SGSM3: variants seen among roughly 807,000 people sequenced by gnomAD.
The protein encoded by SGSM3 is RUN and SH3 containing 3.
SGSM3 carries 96 observed loss-of-function variants against 100.5 expected under a neutral mutation model. The ratio of observed to expected loss-of-function variants is 0.96; its 90% CI spans 0.81 to 1.13. SGSM3 has a LOEUF of 1.13. SGSM3 is among the 50% of genes most tolerant of loss of function. The pLI is 0.00. For missense variants in SGSM3, 1,001 were observed against 1,015.8 expected, an observed-to-expected ratio of 0.99 and a Z score of 0.20; for synonymous variants, 483 against 422.8, an observed-to-expected ratio of 1.14 and a Z score of -1.75.
rs1054263888 is a variant in SGSM3 at position 40,407,592 on chromosome 22, A to C, written c.1524+24A>C. The C allele has an allele frequency of 1.9e-6, 3 of 1,598,636 alleles. No individual in the cohort carries two copies. The highest frequency in any genetic ancestry group is 2.5e-6 in the Non-Finnish European group (3 of 1,176,748). On this transcript the variant is annotated intron_variant, in intron 13 of 21. Coordinates refer to ENST00000248929, the MANE Select transcript of SGSM3 (RefSeq NM_015705.6). This position sits in a 1 kb window ranked among gnomAD's most constrained non-coding sequence, Gnocchi z 4.7. Reference sequence around the variant, plus strand: ...CAGTGCGTGGGGGCGCTGGACTACCAGGTCCTCAGGCTGTGGCGGGTTCCC... The same window carrying C: ...CAGTGCGTGGGGGCGCTGGACTACCCGGTCCTCAGGCTGTGGCGGGTTCCC...
Position 40,404,313 on chromosome 22 carries a change from T to C in SGSM3, c.224T>C (p.Leu75Pro). 1 of 1,576,592 alleles carries C rather than the reference T, an allele frequency of 6.3e-7. No individual in the cohort carries two copies. Among genetic ancestry groups the C allele is most frequent in the South Asian group, 1.2e-5 (1 of 84,474 alleles). The change falls in exon 5 of 22, where the codon CTG (leucine) becomes CCG (proline). Residue 75 changes from leucine (L) to proline (P), a missense_variant. Leu to Pro is a moderately conservative substitution (Grantham distance 98). Transcript: ENST00000248929. ...CTGATGGAGGATGCTCCACAGAGGC[T>C]GCGGTGGCAGGCCCACCTGGAGTTC... The part of the protein sequence containing the change: ...SPLMEDAPQR[L>P]RWQAHLEFTH...
chr22:40,407,213 T>A lies in SGSM3; in HGVS notation c.1253T>A (p.Leu418Gln). ...CTGGGCCTCCTAGGGGAGGATGACC[T>A]GGAGGCACTCAAGGCCAAGAACATC... ...ITALLFGEDDLEALKAKNIKQ... is the reference protein window; with the variant it reads ...ITALLFGEDDQEALKAKNIKQ... The change falls in exon 12 of 22, where the codon CTG becomes CAG. Residue 418 changes from leucine (L) to glutamine (Q), a missense_variant. Leu to Gln is a moderately radical substitution (Grantham distance 113). Coordinates refer to ENST00000248929, the MANE Select transcript of SGSM3 (RefSeq NM_015705.6). The surrounding 1 kb of genome is among the most constrained non-coding windows in gnomAD (Gnocchi z 4.7). The A allele has an allele frequency of 6.2e-7, 1 of 1,613,590 alleles. No individual in the cohort carries two copies. Among genetic ancestry groups the A allele is most frequent in the South Asian group, 1.1e-5 (1 of 91,086 alleles).
chr22:40,410,253 C>T lies in SGSM3; in HGVS notation c.*494C>T. On this transcript the variant is annotated 3_prime_UTR_variant, in exon 22 of 22. Coordinates refer to ENST00000248929, the MANE Select transcript of SGSM3 (RefSeq NM_015705.6). ...ACCCGGGACCCAGCTGTGCTACCCA[C>T]CCCTTCCATGGACTGAATAAGATGG... 1 of 896,572 alleles carries T rather than the reference C, an allele frequency of 1.1e-6. No homozygotes were observed. Among genetic ancestry groups the T allele is most frequent in the Non-Finnish European group, 1.4e-6 (1 of 728,020 alleles). 55.5% of individuals were successfully genotyped at this position (896,572 alleles called of 1,614,324 possible). A position where few individuals can be genotyped will look rare whatever the true frequency, so the allele number is the denominator to read the frequency against.
Position 40,410,024 on chromosome 22 carries a change from C to T in SGSM3, c.*265C>T. ...AGGAGGTGGGGGAGCCATGTCTGTG[C>T]TCAGGAAGAGGGAAGGGGATGGGGG... On this transcript the variant is annotated 3_prime_UTR_variant, in exon 22 of 22. Coordinates refer to ENST00000248929, the MANE Select transcript of SGSM3 (RefSeq NM_015705.6). 2 of 1,322,944 alleles carry T rather than the reference C, an allele frequency of 1.5e-6. No homozygotes were observed. Among genetic ancestry groups the T allele is most frequent in the South Asian group, 4.4e-5 (2 of 45,340 alleles). The allele number at this position is 1,322,944 out of a possible 1,614,324, so 82.0% of individuals were successfully genotyped here.
In SGSM3 at chr22:40,388,786, G is replaced by A. The variant is rs539144361; in HGVS notation, c.-111-11910G>A. Among the ~76,000 whole-genome samples the A allele has an allele frequency of 2.0e-5, 3 of 152,246 alleles. No homozygotes were observed. In the South Asian group the frequency reaches 6.2e-4, roughly 32 times the overall value. The stretch of plus-strand genomic sequence containing the variant: ...GGTTTCAAAAACTTTAGGAAAGGCC[G>A]AATAGTTGAGGGGTGAAGATGGAAA... On this transcript the variant is annotated intron_variant, in intron 1 of 21. Transcript: ENST00000248929.
chr22:40,386,509 GT>G (rs2048467536), intron 1 of SGSM3, among the ~76,000 whole-genome samples: 1 of 148,242 alleles, frequency 6.7e-6, no homozygotes, highest in African/African-American at 2.5e-5. Flanking sequence ...GAGACTTCTG[GT>G]CTGGCTATGC....
At chr22:40,374,004 A>G (rs911214620) in intron 1 of SGSM3, among the ~76,000 whole-genome samples, 6 of 151,834 alleles carry the variant, frequency 4.0e-5, no homozygotes, top group Non-Finnish European at 7.4e-5. Flanking sequence ...GCTTGAGTGC[A>G]GTGGCGTGAT....
In SGSM3 at chr22:40,408,364, G is replaced by A. The variant is rs768697517; in HGVS notation, c.1717G>A (p.Glu573Lys). Residue 573 changes from glutamate (E) to lysine (K), a missense_variant, in exon 16 of 22, where the codon GAA (glutamate) becomes AAA (lysine). Transcript: ENST00000248929. ...TLCPALKALF[E>K]HGLKKPSLLG... The stretch of plus-strand genomic sequence containing the variant: ...CTGCCCGGCCCTTAAGGCCCTGTTC[G>A]AACATGGACTGAAGAAGCCATCCCT... 3.7e-6 allele frequency: 6 copies of A among 1,613,448 alleles called. No individual in the cohort carries two copies. The highest frequency in any genetic ancestry group is 1.7e-5 in the Admixed American group (1 of 60,014).
At chr22:40,406,774 C>T (rs1445709527) in intron 10 of SGSM3, 112 bp downstream of exon 10, 5 of 993,358 alleles carry the variant, frequency 5.0e-6, no homozygotes, top group Admixed American at 4.1e-5. Context: ...TCCTGCTCTG[C>T]CCCCCAGCCT....
rs377119132 is a variant in SGSM3 at position 40,409,037 on chromosome 22, T to C, written c.1988+19T>C. On this transcript the variant is annotated intron_variant, in intron 19 of 21. Coordinates refer to ENST00000248929, the MANE Select transcript of SGSM3 (RefSeq NM_015705.6). Reference sequence around the variant, plus strand: ...GGCTCAAGTGAGTGTGGAAAAGGGGTTGGAGGAGAGCCCTGGAGTGGGGGG... The same window carrying C: ...GGCTCAAGTGAGTGTGGAAAAGGGGCTGGAGGAGAGCCCTGGAGTGGGGGG... 225 of 1,556,134 alleles carry C rather than the reference T, an allele frequency of 1.4e-4. No individual in the cohort carries two copies. The highest frequency in any genetic ancestry group is 3.8e-4 in the Middle Eastern group (2 of 5,208).
Position 40,407,669 on chromosome 22 carries a change from C to T in SGSM3, c.1524+101C>T. On this transcript the variant is annotated intron_variant, in intron 13 of 21. Transcript: ENST00000248929. The surrounding 1 kb of genome is among the most constrained non-coding windows in gnomAD (Gnocchi z 4.7). ...CAACCCCTTTCCCTGCCAAGAGCTT[C>T]TCTTGTGAAGATGTAGGGGTCTTGG... 6.3e-7 allele frequency: 1 copy of T among 1,584,498 alleles called. No homozygotes were observed. Among genetic ancestry groups the T allele is most frequent in the Non-Finnish European group, 8.6e-7 (1 of 1,159,246 alleles).
At chr22:40,406,301 C>G (rs1043211078) in intron 9 of SGSM3, 78 bp downstream of exon 9, 13 of 1,574,906 alleles carry the variant, frequency 8.3e-6, no homozygotes, top group African/African-American at 1.4e-5. Context: ...CTCCCTGGGC[C>G]AGGCAAGACC....
At chr22:40,387,019 C>T (rs1007453536) in intron 1 of SGSM3, among the ~76,000 whole-genome samples, 8 of 152,148 alleles carry the variant, frequency 5.3e-5, no homozygotes, top group South Asian at 4.2e-4. Flanking sequence ...ATTTTGTTCC[C>T]GCACATGCAC....
At chr22:40,372,048 T>C (rs2146708274) in intron 1 of SGSM3, among the ~76,000 whole-genome samples, 1 of 151,204 alleles carries the variant, frequency 6.6e-6, no homozygotes, top group South Asian at 2.1e-4. Context: ...TTGATAATCC[T>C]AAGTGAATGT....
Position 40,407,928 on chromosome 22 carries a change from C to A in SGSM3, c.1579+85C>A. On this transcript the variant is annotated intron_variant, in intron 14 of 21. Coordinates refer to ENST00000248929, the MANE Select transcript of SGSM3 (RefSeq NM_015705.6). The surrounding 1 kb of genome is among the most constrained non-coding windows in gnomAD (Gnocchi z 4.7). ...TTGGGTGACCCTGGCCGCCACCAAG[C>A]TGTTCTCCTCTATACACCTGCCTGG... The A allele has an allele frequency of 1.4e-6, 2 of 1,471,118 alleles. No individual in the cohort carries two copies. The highest frequency in any genetic ancestry group is 1.9e-6 in the Non-Finnish European group (2 of 1,071,592). 91.1% of individuals were successfully genotyped at this position (1,471,118 alleles called of 1,614,324 possible). A position where few individuals can be genotyped will look rare whatever the true frequency, so the allele number is the denominator to read the frequency against.
At position 40,407,948 on chromosome 22, in the gene SGSM3, G is replaced by C; in HGVS notation, c.1579+105G>C. 6.9e-7 allele frequency: 1 copy of C among 1,454,476 alleles called. No individual in the cohort carries two copies. The highest frequency in any genetic ancestry group is 9.5e-7 in the Non-Finnish European group (1 of 1,057,996). 90.1% of individuals were successfully genotyped at this position (1,454,476 alleles called of 1,614,324 possible). A position where few individuals can be genotyped will look rare whatever the true frequency, so the allele number is the denominator to read the frequency against. On this transcript the variant is annotated intron_variant, in intron 14 of 21. Transcript: ENST00000248929. This position sits in a 1 kb window ranked among gnomAD's most constrained non-coding sequence, Gnocchi z 4.7. ...CCAAGCTGTTCTCCTCTATACACCT[G>C]CCTGGCTTGAGGTCCCTGAAGCAGC...
chr22:40,405,523 G>C, intron 7 of SGSM3, 126 bp from the exon 8 acceptor site: 1 of 956,002 alleles, frequency 1.0e-6, no homozygotes, highest in East Asian at 2.5e-5. Flanking sequence ...GCCCAGGGAA[G>C]GCCTGGGTTC....
In SGSM3 at chr22:40,407,849, G is replaced by A. The variant is rs778139887; in HGVS notation, c.1579+6G>A. 3.1e-5 allele frequency: 50 copies of A among 1,609,820 alleles called. No homozygotes were observed. The highest frequency in any genetic ancestry group is 4.2e-5 in the Non-Finnish European group (49 of 1,177,858). Reference sequence around the variant, plus strand: ...GGAGCTCAACGGCCTGCGAGGTGGGGTCCTTGGTCTGCTCTTGAGCTGGGA... The same window carrying A: ...GGAGCTCAACGGCCTGCGAGGTGGGATCCTTGGTCTGCTCTTGAGCTGGGA... On this transcript the variant is annotated splice_donor_region_variant and intron_variant, in intron 14 of 21. Coordinates refer to ENST00000248929, the MANE Select transcript of SGSM3 (RefSeq NM_015705.6). The surrounding 1 kb of genome is among the most constrained non-coding windows in gnomAD (Gnocchi z 4.7).
Position 40,408,960 on chromosome 22 carries a change from G to A in SGSM3, c.1930G>A (p.Asp644Asn), listed in dbSNP as rs779800828. ...TGTGCAGTCTGTGAACGTGACCCAC[G>A]ATGCAGTGCATGCACAAATGGATGT... ...RAVQSVNVTH[D>N]AVHAQMDVKL... The change falls in exon 19 of 22, where the codon GAT becomes AAT. Residue 644 changes from aspartate to asparagine, a missense_variant. Physicochemically the swap from Asp to Asn is conservative, Grantham distance 23. Coordinates refer to ENST00000248929, the MANE Select transcript of SGSM3 (RefSeq NM_015705.6). The A allele has an allele frequency of 1.3e-5, 21 of 1,604,734 alleles. No individual in the cohort carries two copies. The highest frequency in any genetic ancestry group is 5.2e-5 in the Admixed American group (3 of 57,844).
Sources: gnomAD v4.1 joint callset for allele counts (sites outside exome capture counted in the v4.1 genomes callset) on GRCh38, gnomAD v4.1.1 for gene constraint, Gnocchi (gnomAD v3.1) non-coding constraint, MANE v1.5 for transcripts, NCBI Gene and HGNC (gene_info 2026-07-23, HGNC 2026-07-21) for gene names.